The following DDX54 variants were observed in gnomAD, a reference collection of about 807,000 sequenced individuals.
DDX54 encodes DEAD-box helicase 54, also known as ATP-dependent RNA helicase DDX54.
A neutral mutation model predicts 105.5 loss-of-function variants in DDX54; 67 were observed. The observed-to-expected ratio is 0.64, with a 90% CI of 0.52 to 0.78. The LOEUF (loss-of-function observed/expected upper bound fraction) is 0.78, where lower values mean the gene tolerates loss of function less well. Among genes scored for constraint, DDX54 ranks in the 30% least tolerant of loss-of-function variants. DDX54 has a pLI of 0.00. For missense variants in DDX54, 1,206 were observed against 1,230.5 expected, an observed-to-expected ratio of 0.98 and a Z score of 0.30; for synonymous variants, 514 against 509.9, an observed-to-expected ratio of 1.01 and a Z score of -0.11.
chr12:113,168,664 C>T (rs1404477474), intron 12 of DDX54, among the ~76,000 whole-genome samples: 1 of 152,242 alleles, frequency 6.6e-6, no homozygotes, highest in East Asian at 1.9e-4. Context: ...GGCACAGTGG[C>T]TCACGCCTGT....
rs776792739 is a variant in DDX54, at chr12:113,175,041, C to T, written c.869G>A (p.Arg290Gln). 13 of 1,613,888 alleles carry T rather than the reference C, an allele frequency of 8.1e-6. No homozygotes were observed. Among genetic ancestry groups the T allele is most frequent in the Middle Eastern group, 3.3e-4 (2 of 6,062 alleles). The change falls in exon 8 of 20, where the codon CGG (arginine) becomes CAG (glutamine). Residue 290 changes from arginine (R) to glutamine (Q), a missense_variant. Arg to Gln is a conservative substitution (Grantham distance 43, BLOSUM62 1). Around this residue, in one of 3 missense-constraint regions of DDX54, gnomAD observed 961 missense variants for 1,019.1 expected, o/e 0.94. Coordinates refer to ENST00000306014, the MANE Select transcript of DDX54 (RefSeq NM_024072.4). ...TCCACCCCCAGCTCACGCACCAGCC[C>T]GGGCAAATTCCACCAGCAGTTTGGG... ...TLPKLLVEFA[R>Q]AGLTEPVLIR...
At chr12:113,172,235 T>C in intron 11 of DDX54, 118 bp downstream of exon 11, 1 of 1,187,754 alleles carries the variant, frequency 8.4e-7, no homozygotes, top group Non-Finnish European at 1.2e-6. Flanking sequence ...AGGCTCTGTC[T>C]CTAAAACAAG....
rs533102783 is a variant in DDX54 at position 113,185,469 on chromosome 12, A to C, written c.-18T>G. ...GCCGCCATTCGGGCCGCGCGCTGGG[A>C]ACGCAGAAGGGGGCGTGGCCTGAGG... On this transcript the variant is annotated 5_prime_UTR_variant, in exon 1 of 20. Transcript: ENST00000306014. 3.4e-6 allele frequency: 5 copies of C among 1,487,260 alleles called. No homozygotes were observed. In the Admixed American group the frequency reaches 1.1e-4, roughly 33 times the overall value. 92.1% of individuals were successfully genotyped at this position (1,487,260 alleles called of 1,614,324 possible). A position where few individuals can be genotyped will look rare whatever the true frequency, so the allele number is the denominator to read the frequency against.
At chr12:113,171,089 G>A (rs1952332429) in intron 11 of DDX54, among the ~76,000 whole-genome samples, 1 of 152,096 alleles carries the variant, frequency 6.6e-6, no homozygotes, top group Admixed American at 6.6e-5. Context: ...ATTCCCTTTG[G>A]GGGCGTCCTG....
At position 113,158,813 on chromosome 12, in the gene DDX54, C is replaced by T. The variant is rs1168349256; in HGVS notation, c.*64G>A. The T allele has an allele frequency of 7.5e-5, 113 of 1,499,554 alleles. No homozygotes were observed. Among genetic ancestry groups the T allele is most frequent in the Non-Finnish European group, 9.2e-5 (102 of 1,111,572 alleles). The allele number at this position is 1,499,554 out of a possible 1,614,324, so 92.9% of individuals were successfully genotyped here. A position where few individuals can be genotyped will look rare whatever the true frequency, so the allele number is the denominator to read the frequency against. The stretch of plus-strand genomic sequence containing the variant: ...ACAGGGCCAGGCACACAGTGGTGCA[C>T]GGGAACGTCTGCTGATGCCCACCCT... On this transcript the variant is annotated 3_prime_UTR_variant, in exon 20 of 20. Transcript: ENST00000306014. This position sits in a 1 kb window ranked among gnomAD's most constrained non-coding sequence, Gnocchi z 4.9.
At position 113,158,776 on chromosome 12, in the gene DDX54, C is replaced by A; in HGVS notation, c.*101G>T. The A allele has an allele frequency of 7.7e-7, 1 of 1,305,108 alleles. No individual in the cohort carries two copies. The highest frequency in any genetic ancestry group is 1.0e-6 in the Non-Finnish European group (1 of 961,658). The allele number at this position is 1,305,108 out of a possible 1,614,324, so 80.8% of individuals were successfully genotyped here. A position where few individuals can be genotyped will look rare whatever the true frequency, so the allele number is the denominator to read the frequency against. ...ATGATGGCTCCTGCAGGGAGTGCCC[C>A]CAGTGCCCAGCACAGGGCCAGGCAC... On this transcript the variant is annotated 3_prime_UTR_variant, in exon 20 of 20. Coordinates refer to ENST00000306014, the MANE Select transcript of DDX54 (RefSeq NM_024072.4). This position sits in a 1 kb window ranked among gnomAD's most constrained non-coding sequence, Gnocchi z 4.9.
rs538381643 is a variant in DDX54 at position 113,166,015 on chromosome 12, C to G, written c.1432G>C (p.Gly478Arg). The stretch of plus-strand genomic sequence containing the variant: ...CTCTGTGGCACCCGACCCAGCATGC[C>G]ATCCACACCGGCCACACCTGCACCC... ...KEPSGVAGVD[G>R]MLGRVPQSVV... Residue 478 changes from glycine (G) to arginine (R), a missense_variant, in exon 13 of 20, where the codon GGC becomes CGC. Gly to Arg is a moderately radical substitution (Grantham distance 125). Coordinates refer to ENST00000306014, the MANE Select transcript of DDX54 (RefSeq NM_024072.4). 1.9e-5 allele frequency: 31 copies of G among 1,607,606 alleles called. No individual in the cohort carries two copies. The East Asian group carries it at 6.2e-4, about 32-fold the overall frequency.
In DDX54 at chr12:113,163,208, G is replaced by A. The variant is rs201635496; in HGVS notation, c.2005C>T (p.Arg669Trp). Residue 669 changes from arginine (R) to tryptophan (W), a missense_variant, in exon 16 of 20, where the codon CGG (arginine) becomes TGG (tryptophan). Arg to Trp is a moderately radical substitution (Grantham distance 101, BLOSUM62 -3). Transcript: ENST00000306014. This position sits in a 1 kb window ranked among gnomAD's most constrained non-coding sequence, Gnocchi z 5.9. ...RSGPNRGAKR[R>W]REEARQRDQE... ...TCCCGCTGCCGGGCCTCCTCCCTCC[G>A]CCTCTTGGCTCCCCTGTTGGGTCCT... The A allele has an allele frequency of 8.7e-6, 14 of 1,611,914 alleles. No homozygotes were observed. Among genetic ancestry groups the A allele is most frequent in the East Asian group, 2.2e-5 (1 of 44,880 alleles).
intron 1 of DDX54, among the ~76,000 whole-genome samples, chr12:113,182,877 T>A (rs964419106): frequency 3.0e-4 from 41 of 135,608 alleles, no homozygotes; most frequent in African/African-American, 1.1e-3. Flanking sequence ...TTTTCAACAC[T>A]TTTTTTTTTT....
In DDX54 at chr12:113,174,880, G is replaced by C. The variant is rs1244162886; in HGVS notation, c.931C>G (p.Leu311Val). 5 of 1,613,918 alleles carry C rather than the reference G, an allele frequency of 3.1e-6. No homozygotes were observed. Among genetic ancestry groups the C allele is most frequent in the Non-Finnish European group, 4.2e-6 (5 of 1,179,978 alleles). Residue 311 changes from leucine (L) to valine (V), a missense_variant, in exon 9 of 20, where the codon CTG (leucine) becomes GTG (valine). By Grantham distance (32) the Leu-to-Val change is conservative. Around this residue, in one of 3 missense-constraint regions of DDX54, gnomAD observed 961 missense variants for 1,019.1 expected, o/e 0.94. Coordinates refer to ENST00000306014, the MANE Select transcript of DDX54 (RefSeq NM_024072.4). Reference protein sequence around the residue: ...LDVDTKLNEQLKTSFFLVRED... With the variant: ...LDVDTKLNEQVKTSFFLVRED... Reference sequence around the variant, plus strand: ...TGGGACAGGTGCAGCCTCACCTTCAGCTGCTCGTTGAGCTTGGTATCCACG... The same window carrying C: ...TGGGACAGGTGCAGCCTCACCTTCACCTGCTCGTTGAGCTTGGTATCCACG...
At chr12:113,167,152 G>A (rs2136317477) in intron 12 of DDX54, among the ~76,000 whole-genome samples, 1 of 152,240 alleles carries the variant, frequency 6.6e-6, no homozygotes, top group African/African-American at 2.4e-5. Flanking sequence ...CAAGGCAGGA[G>A]GATCGCTTGA....
intron 18 of DDX54, 93 bp from the exon 19 acceptor site, chr12:113,161,475 C>G: frequency 9.8e-7 from 1 of 1,021,498 alleles, no homozygotes; most frequent in Non-Finnish European, 1.5e-6. Flanking sequence ...TCCGTTATCC[C>G]AGCCGCAGCT....
At chr12:113,167,764 G>T (rs879501278) in intron 12 of DDX54, among the ~76,000 whole-genome samples, 4 of 152,172 alleles carry the variant, frequency 2.6e-5, no homozygotes, top group East Asian at 1.9e-4. Flanking sequence ...CTGGACATTG[G>T]GGGAGGCTCC....
chr12:113,164,393 G>C, intron 14 of DDX54, 108 bp from the exon 15 acceptor site: 1 of 1,331,542 alleles, frequency 7.5e-7, no homozygotes, highest in Non-Finnish European at 1.0e-6. Context: ...CTTCCCCAGT[G>C]TCCATTATCT....
intron 11 of DDX54, among the ~76,000 whole-genome samples, 153 bp from the exon 12 acceptor site, chr12:113,170,057 G>T (rs1021015275): frequency 6.6e-6 from 1 of 152,180 alleles, no homozygotes; most frequent in African/African-American, 2.4e-5. Context: ...GTTTAATCCC[G>T]GTCCCTAGGT....
chr12:113,165,933 A>G lies in DDX54; in HGVS notation c.1514T>C (p.Leu505Pro). The G allele has an allele frequency of 6.2e-7, 1 of 1,613,736 alleles. No individual in the cohort carries two copies. The highest frequency in any genetic ancestry group is 1.1e-5 in the South Asian group (1 of 91,088). Residue 505 changes from leucine (L) to proline (P), a missense_variant, in exon 13 of 20, where the codon CTA becomes CCA. Physicochemically the swap from Leu to Pro is moderately conservative, Grantham distance 98 (BLOSUM62 -3). Around this residue, in one of 3 missense-constraint regions of DDX54, gnomAD observed 961 missense variants for 1,019.1 expected, o/e 0.94. Coordinates refer to ENST00000306014, the MANE Select transcript of DDX54 (RefSeq NM_024072.4). ...LQSTLEASLE[L>P]RGLARVADNA... is the part of the protein sequence containing the mutation. ...ATCAGCAACGCGGGCCAGGCCCCGT[A>G]GCTCCAGCGATGCCTCCAGGGTGCT...
Position 113,161,903 on chromosome 12 carries a change from T to C in DDX54, c.2290A>G (p.Lys764Glu). Residue 764 changes from lysine to glutamate, a missense_variant, in exon 18 of 20, where the codon AAG (lysine) becomes GAG (glutamate). Physicochemically the swap from Lys to Glu is moderately conservative, Grantham distance 56. Transcript: ENST00000306014. The part of the protein sequence containing the change: ...ESGRYISSSY[K>E]RDLYQKWKQK... ...CGCCCCTCAGGATACAGGTCTCGCT[T>C]GTAGGAGCTGCTGATGTAGCGGCCG... 6.2e-7 allele frequency: 1 copy of C among 1,602,096 alleles called. No homozygotes were observed.
chr12:113,177,259 T>C, intron 5 of DDX54, 166 bp from the exon 6 acceptor site: 1 of 680,404 alleles, frequency 1.5e-6, no homozygotes, highest in Non-Finnish European at 2.5e-6. Context: ...GGCATTGCCC[T>C]GACAAGAGAT....
chr12:113,159,215 C>T (rs759504237), intron 19 of DDX54, 106 bp from the exon 20 acceptor site: 2 of 1,254,566 alleles, frequency 1.6e-6, no homozygotes, highest in Non-Finnish European at 2.2e-6. Context: ...CTGTTCTGTG[C>T]TTATTGCTGT....
Sources: gnomAD v4.1 joint callset for allele counts (sites outside exome capture counted in the v4.1 genomes callset) on GRCh38, gnomAD v4.1.1 for gene constraint, gnomAD v4.1.1 regional missense constraint, Gnocchi (gnomAD v3.1) non-coding constraint, MANE v1.5 for transcripts, NCBI Gene and HGNC (gene_info 2026-07-23, HGNC 2026-07-21) for gene names.